Variants in ETV6 observed in about 807,000 individuals in gnomAD.
The protein encoded by ETV6 is ETS variant transcription factor 6, also known as transcription factor ETV6.
ETV6 carries 16 observed loss-of-function variants against 51.1 expected under a neutral mutation model. The ratio of observed to expected loss-of-function variants is 0.31; its 90% CI spans 0.21 to 0.48. ETV6 has a LOEUF of 0.48. Ranked by LOEUF, ETV6 falls within the 20% of genes least tolerant of loss-of-function variation. ETV6 has a pLI of 0.99. For synonymous variants in ETV6, 240 were observed against 224.1 expected, an observed-to-expected ratio of 1.07 and a Z score of -0.64; for missense variants, 458 against 594.8, an observed-to-expected ratio of 0.77 and a Z score of 2.39.
chr12:11,733,239 T>C (rs918210547), intron 1 of ETV6, among the ~76,000 whole-genome samples: 8 of 152,012 alleles, frequency 5.3e-5, no homozygotes, highest in African/African-American at 1.9e-4. Context: ...AAACCCTGTC[T>C]CTACTAAAAA....
In ETV6 at chr12:11,869,280, A is replaced by T. The variant is rs184912088; in HGVS notation, c.464-144A>T. ...ATATGCACCCTTCAAATTGTTAAGC[A>T]GTGAAAAAGACACTGCATTCTGGGG... On this transcript the variant is annotated intron_variant, in intron 4 of 7. Coordinates refer to ENST00000396373, the MANE Select transcript of ETV6 (RefSeq NM_001987.5). The surrounding 1 kb of genome is among the most constrained non-coding windows in gnomAD (Gnocchi z 5.0). 1.5e-6 allele frequency: 1 copy of T among 685,508 alleles called. No homozygotes were observed. The highest frequency in any genetic ancestry group is 2.4e-6 in the Non-Finnish European group (1 of 410,000). 42.5% of individuals were successfully genotyped at this position (685,508 alleles called of 1,614,324 possible).
intron 5 of ETV6, among the ~76,000 whole-genome samples, chr12:11,878,214 T>C (rs564846223): frequency 1.3e-5 from 2 of 152,324 alleles, no homozygotes; most frequent in South Asian, 4.1e-4. Context: ...GCATTTGATT[T>C]TCAGTGTGAA....
At chr12:11,777,958 T>C (rs1195783203) in intron 2 of ETV6, among the ~76,000 whole-genome samples, 4 of 152,190 alleles carry the variant, frequency 2.6e-5, no homozygotes, top group Admixed American at 2.6e-4. Context: ...TGTGCCAGAT[T>C]GATCACCAGT....
intron 2 of ETV6, among the ~76,000 whole-genome samples, chr12:11,833,093 C>T (rs1048144296): frequency 2.0e-5 from 3 of 152,184 alleles, no homozygotes; most frequent in African/African-American, 7.2e-5. Context: ...TACATTCTTA[C>T]AGTTGGGTTC....
At chr12:11,881,779 A>C (rs536805374) in intron 5 of ETV6, among the ~76,000 whole-genome samples, 40 of 152,376 alleles carry the variant, frequency 2.6e-4, no homozygotes, top group African/African-American at 8.9e-4. Flanking sequence ...GGAGATGCTT[A>C]CAAGGGAAAA....
rs1034883876 is a variant in ETV6, at chr12:11,740,961, G to T, written c.34-11489G>T. On this transcript the variant is annotated intron_variant, in intron 1 of 7. Coordinates refer to ENST00000396373, the MANE Select transcript of ETV6 (RefSeq NM_001987.5). Reference sequence around the variant, plus strand: ...TTTCTACATCTGTGAGGTAGGTTTTGTGCTAGTTCTAGTGACATGACTCGT... The same window carrying T: ...TTTCTACATCTGTGAGGTAGGTTTTTTGCTAGTTCTAGTGACATGACTCGT... 2.6e-5 allele frequency among the ~76,000 whole-genome samples: 4 copies of T among 152,270 alleles called. No homozygotes were observed. The South Asian group carries it at 8.3e-4, about 32-fold the overall frequency.
At chr12:11,687,489 T>C (rs947682343) in intron 1 of ETV6, among the ~76,000 whole-genome samples, 1 of 152,082 alleles carries the variant, frequency 6.6e-6, no homozygotes, top group African/African-American at 2.4e-5. Context: ...CCACACCCCC[T>C]TTTTTTCTTA....
intron 1 of ETV6, among the ~76,000 whole-genome samples, chr12:11,714,714 G>A (rs1170905644): frequency 6.6e-6 from 1 of 151,866 alleles, no homozygotes; most frequent in African/African-American, 2.4e-5. Context: ...AGACAGGGTG[G>A]TGTGGAAGGT....
intron 1 of ETV6, among the ~76,000 whole-genome samples, chr12:11,709,812 C>T (rs1463131575): frequency 6.6e-6 from 1 of 152,222 alleles, no homozygotes; most frequent in African/African-American, 2.4e-5. Context: ...ACTTACACTG[C>T]ACCACCGGCT....
chr12:11,787,534 C>T (rs1221745851), intron 2 of ETV6, among the ~76,000 whole-genome samples: 1 of 152,056 alleles, frequency 6.6e-6, no homozygotes, highest in Admixed American at 6.5e-5. Flanking sequence ...ATATGGGTAA[C>T]ATTTCTATTG....
intron 1 of ETV6, among the ~76,000 whole-genome samples, chr12:11,718,473 A>G (rs1174608661): frequency 6.6e-6 from 1 of 152,088 alleles, no homozygotes; most frequent in African/African-American, 2.4e-5. Context: ...GCATTAAAAC[A>G]AACCCAGGTT....
intron 5 of ETV6, among the ~76,000 whole-genome samples, chr12:11,883,276 C>CT (rs547786286): frequency 0.012 from 914 of 78,812 alleles, 66 homozygotes; most frequent in Non-Finnish European, 0.013. Context: ...ATGTCTTCTT[C>CT]TTTTTTTTTT....
chr12:11,653,722 C>G (rs1863948266), intron 1 of ETV6, among the ~76,000 whole-genome samples: 2 of 151,998 alleles, frequency 1.3e-5, no homozygotes, highest in South Asian at 4.2e-4. Flanking sequence ...AGAAAGCACT[C>G]AATAGGGCCC....
At chr12:11,797,792 A>G (rs993604476) in intron 2 of ETV6, among the ~76,000 whole-genome samples, 3 of 152,232 alleles carry the variant, frequency 2.0e-5, no homozygotes, top group Non-Finnish European at 4.4e-5. Context: ...AAACCCAAGT[A>G]AAATAAATAG....
intron 2 of ETV6, among the ~76,000 whole-genome samples, chr12:11,782,637 G>A (rs973302898): frequency 2.6e-5 from 4 of 152,188 alleles, no homozygotes; most frequent in Non-Finnish European, 5.9e-5. Flanking sequence ...GGAAATGCTT[G>A]GAGTCAGTCT....
intron 2 of ETV6, among the ~76,000 whole-genome samples, chr12:11,764,593 T>C (rs1387537683): frequency 6.6e-6 from 1 of 152,180 alleles, no homozygotes; most frequent in Non-Finnish European, 1.5e-5. Context: ...TCACGTTTGA[T>C]CGTAATGCCA....
chr12:11,785,747 A>C (rs1169595363), intron 2 of ETV6, among the ~76,000 whole-genome samples: 1 of 152,228 alleles, frequency 6.6e-6, no homozygotes, highest in Non-Finnish European at 1.5e-5. Flanking sequence ...GTATGTCACT[A>C]AGCCATGGAG....
At chr12:11,804,714 A>T (rs922326340) in intron 2 of ETV6, among the ~76,000 whole-genome samples, 5 of 152,010 alleles carry the variant, frequency 3.3e-5, no homozygotes, top group Non-Finnish European at 7.4e-5. Context: ...AATTTTCACC[A>T]CCTGACATGT....
At chr12:11,675,638 C>G (rs1864408969) in intron 1 of ETV6, among the ~76,000 whole-genome samples, 1 of 151,854 alleles carries the variant, frequency 6.6e-6, no homozygotes, top group Non-Finnish European at 1.5e-5. Context: ...AAAGTGAGAC[C>G]CTGTCTCTAT....
Sources: allele counts gnomAD v4.1 joint callset (sites outside exome capture counted in the v4.1 genomes callset), GRCh38; gene constraint gnomAD v4.1.1; non-coding constraint Gnocchi (gnomAD v3.1); transcripts MANE v1.5; gene names NCBI Gene and HGNC (gene_info 2026-07-23, HGNC 2026-07-21).